LRRC4C: variants seen among roughly 807,000 people sequenced by gnomAD.
LRRC4C encodes leucine rich repeat containing 4C, also known as leucine-rich repeat-containing protein 4C.
In LRRC4C, 5 loss-of-function variants were observed where a neutral mutation model predicts 33.6. That is an observed-to-expected ratio of 0.15 (90% CI 0.08 to 0.31). LRRC4C has a LOEUF of 0.31. Among genes scored for constraint, LRRC4C ranks in the 10% least tolerant of loss-of-function variants. The pLI is 1.00. For missense variants in LRRC4C, 560 were observed against 796.7 expected (o/e 0.70, Z 3.58); for synonymous variants, 329 against 302.0 (o/e 1.09, Z -0.93).
In LRRC4C at chr11:40,829,011, C is replaced by T. The variant is rs555352469; in HGVS notation, c.-407+104624G>A. On this transcript the variant is annotated intron_variant, in intron 2 of 6. Transcript: ENST00000528697. ...TCTGGTTTCTAAATATAATAATGCA[C>T]AAACAAAAAACTTGGTTAGAATTCA... Among the ~76,000 whole-genome samples the T allele has an allele frequency of 3.9e-5, 6 of 151,980 alleles. No individual in the cohort carries two copies. In the South Asian group the frequency reaches 8.3e-4, roughly 21 times the overall value.
intron 2 of LRRC4C, among the ~76,000 whole-genome samples, chr11:40,827,320 T>A (rs1952207606): frequency 6.6e-6 from 1 of 151,924 alleles, no homozygotes; most frequent in African/African-American, 2.4e-5. Context: ...AGACTGTCGC[T>A]GCCAAAGGAG....
At chr11:40,924,512 A>G (rs1446766258) in intron 2 of LRRC4C, among the ~76,000 whole-genome samples, 1 of 152,118 alleles carries the variant, frequency 6.6e-6, no homozygotes, top group East Asian at 1.9e-4. Context: ...GAGGGGTGGG[A>G]TAGAGAAAGA....
chr11:41,176,210 C>A (rs1945191585), intron 1 of LRRC4C, among the ~76,000 whole-genome samples: 1 of 152,032 alleles, frequency 6.6e-6, no homozygotes, highest in Non-Finnish European at 1.5e-5. Context: ...ATTTCTTCAC[C>A]AGTTAATTTA....
intron 5 of LRRC4C, among the ~76,000 whole-genome samples, chr11:40,209,286 A>T (rs1455636373): frequency 6.6e-6 from 1 of 152,180 alleles, no homozygotes; most frequent in African/African-American, 2.4e-5. Context: ...TTTCAATTCA[A>T]TAAATATGCA....
intron 1 of LRRC4C, among the ~76,000 whole-genome samples, chr11:41,134,112 T>C (rs1943147261): frequency 6.6e-6 from 1 of 152,112 alleles, no homozygotes; most frequent in African/African-American, 2.4e-5. Context: ...TATTTACTTA[T>C]TTTGAGGTGG....
At chr11:40,382,474 A>G (rs1164606739) in intron 3 of LRRC4C, among the ~76,000 whole-genome samples, 1 of 151,710 alleles carries the variant, frequency 6.6e-6, no homozygotes, top group Non-Finnish European at 1.5e-5. Flanking sequence ...AATATGATCT[A>G]CATCATAAAC....
At chr11:41,127,621 C>A (rs866463342) in intron 1 of LRRC4C, among the ~76,000 whole-genome samples, 6 of 152,104 alleles carry the variant, frequency 3.9e-5, no homozygotes, top group Middle Eastern at 3.4e-3. Flanking sequence ...CTCCACATAT[C>A]TATTATATGT....
chr11:41,359,891 G>T (rs1952290171), intron 1 of LRRC4C, among the ~76,000 whole-genome samples: 1 of 152,146 alleles, frequency 6.6e-6, no homozygotes, highest in African/African-American at 2.4e-5. Flanking sequence ...ATTTTTAAAA[G>T]AATAAAATTG....
At chr11:40,472,636 C>T (rs1220268511) in intron 3 of LRRC4C, among the ~76,000 whole-genome samples, 1 of 151,514 alleles carries the variant, frequency 6.6e-6, no homozygotes, top group African/African-American at 2.4e-5. Context: ...GAGATAGAGA[C>T]ACAAATAACC....
At chr11:40,179,217 C>T (rs1860773772) in intron 5 of LRRC4C, among the ~76,000 whole-genome samples, 2 of 151,964 alleles carry the variant, frequency 1.3e-5, no homozygotes, top group Non-Finnish European at 2.9e-5. Flanking sequence ...GGTGCCTAGA[C>T]TGATCTCCAA....
At chr11:40,192,179 A>G (rs939244406) in intron 5 of LRRC4C, among the ~76,000 whole-genome samples, 11 of 152,102 alleles carry the variant, frequency 7.2e-5, no homozygotes, top group Non-Finnish European at 1.2e-4. Context: ...TTCCCGGGCA[A>G]GATGGTGGAG....
At chr11:41,443,089 A>ATTTTTTTTTTTTTTTTTTTTTTTTTTATT in intron 1 of LRRC4C, among the ~76,000 whole-genome samples, 3 of 105,994 alleles carry the variant, frequency 2.8e-5, no homozygotes, top group East Asian at 3.0e-4. Context: ...TGTTTGCTTC[A>ATTTTTTTTTTTTTTTTTTTTTTTTTTATT]TTTTTTTTTT....
chr11:41,160,495 GA>G (rs1254072430), intron 1 of LRRC4C, among the ~76,000 whole-genome samples: 1 of 151,918 alleles, frequency 6.6e-6, no homozygotes, highest in Non-Finnish European at 1.5e-5. Flanking sequence ...ATTTGAATTT[GA>G]AAATTTTGTC....
intron 1 of LRRC4C, among the ~76,000 whole-genome samples, chr11:41,232,076 C>T (rs533340659): frequency 6.6e-6 from 1 of 151,946 alleles, no homozygotes; most frequent in East Asian, 1.9e-4. Context: ...CAAGCTATTG[C>T]CTCTCCCTGG....
At chr11:40,598,881 C>A (rs534516275) in intron 3 of LRRC4C, among the ~76,000 whole-genome samples, 6 of 152,112 alleles carry the variant, frequency 3.9e-5, no homozygotes, top group Non-Finnish European at 8.8e-5. Context: ...GGGGAGATAG[C>A]AGAGTGAAAT....
At chr11:41,004,928 G>GA (rs1363076420) in intron 1 of LRRC4C, among the ~76,000 whole-genome samples, 3 of 151,952 alleles carry the variant, frequency 2.0e-5, no homozygotes, top group Admixed American at 6.6e-5. Flanking sequence ...TTAGAAAACA[G>GA]AAAAAAATGC....
intron 1 of LRRC4C, among the ~76,000 whole-genome samples, chr11:41,092,148 T>G (rs746681658): frequency 3.9e-5 from 6 of 152,196 alleles, no homozygotes; most frequent in Non-Finnish European, 7.4e-5. Flanking sequence ...CTAGAAATGT[T>G]TGAATATTGC....
chr11:40,458,010 A>G (rs962991333), intron 3 of LRRC4C, among the ~76,000 whole-genome samples: 1 of 152,142 alleles, frequency 6.6e-6, no homozygotes, highest in Admixed American at 6.6e-5. Context: ...CATTCTGCCT[A>G]AAGTAATGTA....
intron 2 of LRRC4C, among the ~76,000 whole-genome samples, chr11:40,665,337 T>A: frequency 9.7e-5 from 1 of 10,270 alleles, no homozygotes; most frequent in African/African-American, 2.7e-4. Flanking sequence ...TATATATATA[T>A]ATATATATAT....
Sources: allele counts gnomAD v4.1 joint callset (sites outside exome capture counted in the v4.1 genomes callset), GRCh38; gene constraint gnomAD v4.1.1; transcripts MANE v1.5; gene names NCBI Gene and HGNC (gene_info 2026-07-23, HGNC 2026-07-21).